KIAA1217: variants seen among roughly 807,000 people sequenced by gnomAD.
The protein encoded by KIAA1217 is sickle tail protein homolog.
KIAA1217 carries 88 observed loss-of-function variants against 163.9 expected under a neutral mutation model. The observed-to-expected ratio is 0.54, with a 90% CI of 0.45 to 0.64. KIAA1217 has a LOEUF of 0.64. Among genes scored for constraint, KIAA1217 ranks in the 30% least tolerant of loss-of-function variants. KIAA1217 has a pLI of 0.00. For synonymous variants in KIAA1217, 903 were observed against 923.1 expected (o/e 0.98, Z 0.39); for missense variants, 2,372 against 2,475.0 (o/e 0.96, Z 0.88).
At chr10:24,227,576 A>G (rs978573545) in intron 2 of KIAA1217, among the ~76,000 whole-genome samples, 3 of 151,056 alleles carry the variant, frequency 2.0e-5, no homozygotes, top group Non-Finnish European at 4.4e-5. Context: ...TCTGTTGCCC[A>G]GGCTGGAGTG....
At chr10:23,761,387 C>A (rs1834255061) in intron 1 of KIAA1217, among the ~76,000 whole-genome samples, 1 of 152,206 alleles carries the variant, frequency 6.6e-6, no homozygotes, top group Non-Finnish European at 1.5e-5. Flanking sequence ...CTGATGTGAG[C>A]ATTTAGTGCT....
At chr10:24,413,823 C>T (rs570819597) in intron 3 of KIAA1217, among the ~76,000 whole-genome samples, 34 of 152,236 alleles carry the variant, frequency 2.2e-4, no homozygotes, top group Admixed American at 9.2e-4. Context: ...AATAGCAATC[C>T]GCCCACTTCC....
chr10:23,937,961 A>G (rs912515710), intron 1 of KIAA1217, among the ~76,000 whole-genome samples: 2 of 152,312 alleles, frequency 1.3e-5, no homozygotes, highest in African/African-American at 4.8e-5. Flanking sequence ...TGCTGAGCTA[A>G]GAAGATGAAG....
At chr10:23,818,058 T>TAC (rs1837423697) in intron 1 of KIAA1217, among the ~76,000 whole-genome samples, 1 of 119,144 alleles carries the variant, frequency 8.4e-6, no homozygotes, top group African/African-American at 4.0e-5. Context: ...CACATATATA[T>TAC]ACATATATAT....
intron 1 of KIAA1217, among the ~76,000 whole-genome samples, chr10:23,988,930 A>G (rs1271929398): frequency 6.6e-6 from 1 of 152,246 alleles, no homozygotes; most frequent in East Asian, 1.9e-4. Context: ...TTTTACACAG[A>G]AATTCTTGGC....
chr10:24,354,622 A>C (rs1450132693), intron 2 of KIAA1217, among the ~76,000 whole-genome samples: 1 of 151,990 alleles, frequency 6.6e-6, no homozygotes, highest in African/African-American at 2.4e-5. Flanking sequence ...GGCTCTCAGC[A>C]GGATGGAGTG....
chr10:24,416,822 G>T (rs771513142), intron 3 of KIAA1217, among the ~76,000 whole-genome samples: 1 of 152,076 alleles, frequency 6.6e-6, no homozygotes, highest in Non-Finnish European at 1.5e-5. Flanking sequence ...ACACGGGCAG[G>T]TTCCCTCCAT....
chr10:24,262,372 A>C (rs1360528895), intron 2 of KIAA1217, among the ~76,000 whole-genome samples: 1 of 152,198 alleles, frequency 6.6e-6, no homozygotes, highest in Non-Finnish European at 1.5e-5. Context: ...TCACACCTGT[A>C]ATCCCAGCAC....
intron 5 of KIAA1217, among the ~76,000 whole-genome samples, chr10:24,443,020 C>T (rs1293937987): frequency 1.3e-5 from 2 of 150,870 alleles, no homozygotes; most frequent in African/African-American, 4.9e-5. Flanking sequence ...AAGCGATTCT[C>T]CCACCTCAGC....
intron 1 of KIAA1217, among the ~76,000 whole-genome samples, chr10:23,767,916 A>G (rs931887176): frequency 4.6e-5 from 7 of 152,166 alleles, no homozygotes; most frequent in Non-Finnish European, 7.4e-5. Flanking sequence ...TTCCCCCTCA[A>G]TTTGAAATGG....
chr10:24,495,232 G>A (rs1407579591), intron 8 of KIAA1217, 36 bp downstream of exon 8: 3 of 1,570,278 alleles, frequency 1.9e-6, no homozygotes, highest in African/African-American at 1.4e-5. Context: ...GGAGGCCTGT[G>A]GGCTGCCTGG....
chr10:23,885,918 C>T (rs1286866498), intron 1 of KIAA1217, among the ~76,000 whole-genome samples: 1 of 151,996 alleles, frequency 6.6e-6, no homozygotes, highest in East Asian at 2.0e-4. Context: ...GAAACAGGAA[C>T]AATTGTTGTA....
At chr10:24,021,860 C>T (rs530269029) in intron 2 of KIAA1217, among the ~76,000 whole-genome samples, 1 of 137,334 alleles carries the variant, frequency 7.3e-6, no homozygotes, top group East Asian at 2.2e-4. Context: ...AAAGATTAGC[C>T]TTTTCAACAT....
intron 1 of KIAA1217, among the ~76,000 whole-genome samples, chr10:23,914,402 A>G (rs1240223551): frequency 2.0e-5 from 3 of 152,054 alleles, no homozygotes; most frequent in African/African-American, 7.2e-5. Flanking sequence ...GCAGCCTCCA[A>G]TTCCTGGGCT....
At chr10:24,045,828 C>T (rs955230042) in intron 2 of KIAA1217, among the ~76,000 whole-genome samples, 1 of 152,020 alleles carries the variant, frequency 6.6e-6, no homozygotes, top group African/African-American at 2.4e-5. Flanking sequence ...TATTCTGAAC[C>T]AATGGTCTCA....
intron 1 of KIAA1217, among the ~76,000 whole-genome samples, chr10:23,840,042 TG>T (rs1205726012): frequency 3.3e-5 from 5 of 152,172 alleles, no homozygotes; most frequent in African/African-American, 1.2e-4. Flanking sequence ...CTGTGATCCC[TG>T]GGCAGTGGTG....
intron 1 of KIAA1217, among the ~76,000 whole-genome samples, chr10:23,902,886 A>G (rs1037484023): frequency 2.0e-5 from 3 of 152,154 alleles, no homozygotes; most frequent in African/African-American, 7.2e-5. Flanking sequence ...GAATGTTAGC[A>G]GAACAGCTGA....
intron 1 of KIAA1217, among the ~76,000 whole-genome samples, chr10:23,855,374 T>C (rs904809271): frequency 2.0e-5 from 3 of 152,234 alleles, no homozygotes; most frequent in Non-Finnish European, 4.4e-5. Context: ...GAGTTTCTGC[T>C]GAGAGATCCG....
At chr10:24,475,768 T>A (rs2133136564) in intron 6 of KIAA1217, among the ~76,000 whole-genome samples, 1 of 152,336 alleles carries the variant, frequency 6.6e-6, no homozygotes, top group Middle Eastern at 3.4e-3. Context: ...CAGACCAATG[T>A]GACATCTGGA....
Sources: gnomAD v4.1 joint callset for allele counts (sites outside exome capture counted in the v4.1 genomes callset) on GRCh38, gnomAD v4.1.1 for gene constraint, MANE v1.5 for transcripts, NCBI Gene and HGNC (gene_info 2026-07-23, HGNC 2026-07-21) for gene names.